Variants in BMPER observed in about 807,000 individuals in gnomAD.
BMPER encodes BMP-binding endothelial regulator protein.
A neutral mutation model predicts 87.3 loss-of-function variants in BMPER; 45 were observed. The observed-to-expected ratio is 0.52, with a 90% CI of 0.41 to 0.66. The LOEUF (loss-of-function observed/expected upper bound fraction) is 0.66, where lower values mean the gene tolerates loss of function less well. BMPER is among the 30% of genes least tolerant of loss of function. The pLI is 0.00. For missense variants in BMPER, 784 were observed against 867.5 expected, an observed-to-expected ratio of 0.90 and a Z score of 1.21; for synonymous variants, 326 against 316.2, an observed-to-expected ratio of 1.03 and a Z score of -0.33.
intron 2 of BMPER, among the ~76,000 whole-genome samples, chr7:33,914,146 T>C (rs1300637538): frequency 6.6e-6 from 1 of 151,958 alleles, no homozygotes; most frequent in Non-Finnish European, 1.5e-5. Flanking sequence ...TTTGTATTTT[T>C]AGTAGAGACG....
chr7:34,071,692 G>A (rs572178724), intron 11 of BMPER, among the ~76,000 whole-genome samples: 1 of 152,328 alleles, frequency 6.6e-6, no homozygotes, highest in East Asian at 1.9e-4. Flanking sequence ...TTAACATTCA[G>A]TGAGCTTTTA....
chr7:33,944,251 C>G (rs1350563999), intron 3 of BMPER, among the ~76,000 whole-genome samples: 1 of 150,992 alleles, frequency 6.6e-6, no homozygotes, highest in Admixed American at 6.6e-5. Context: ...CTGCAACCTC[C>G]GCCTCCTGCA....
At chr7:34,151,315 A>G (rs1791170105) in intron 14 of BMPER, among the ~76,000 whole-genome samples, 1 of 152,208 alleles carries the variant, frequency 6.6e-6, no homozygotes, top group African/African-American at 2.4e-5. Context: ...AAGTGCCAGA[A>G]AATGTGTGTG....
intron 10 of BMPER, among the ~76,000 whole-genome samples, chr7:34,060,093 A>G (rs1788396076): frequency 6.6e-6 from 1 of 152,142 alleles, no homozygotes; most frequent in Non-Finnish European, 1.5e-5. Context: ...GACCCTGCTT[A>G]TGGAAGAGCC....
intron 11 of BMPER, among the ~76,000 whole-genome samples, chr7:34,073,307 A>G (rs1304044335): frequency 1.3e-5 from 2 of 152,236 alleles, no homozygotes; most frequent in African/African-American, 2.4e-5. Flanking sequence ...CGAACATCAT[A>G]GAGTGCACTT....
chr7:34,052,156 C>T (rs1390761775), intron 8 of BMPER, among the ~76,000 whole-genome samples, 186 bp downstream of exon 8: 4 of 152,210 alleles, frequency 2.6e-5, no homozygotes, highest in African/African-American at 9.6e-5. Context: ...CACTATAGCT[C>T]AATCATCTTC....
chr7:34,029,023 C>A (rs2127950102), intron 6 of BMPER, among the ~76,000 whole-genome samples: 2 of 151,954 alleles, frequency 1.3e-5, no homozygotes, highest in South Asian at 4.2e-4. Context: ...ATTAAATGGA[C>A]AATAAAATGT....
At chr7:33,947,075 T>C (rs1023521357) in intron 3 of BMPER, among the ~76,000 whole-genome samples, 1 of 152,234 alleles carries the variant, frequency 6.6e-6, no homozygotes, top group Non-Finnish European at 1.5e-5. Flanking sequence ...ATAATAATTA[T>C]ACATTTTTAT....
At chr7:34,032,712 A>G (rs1325553054) in intron 6 of BMPER, among the ~76,000 whole-genome samples, 1 of 152,176 alleles carries the variant, frequency 6.6e-6, no homozygotes, top group Non-Finnish European at 1.5e-5. Context: ...CTCAAGTTTT[A>G]AGAATGCTTC....
chr7:33,994,534 G>A (rs1023576091), intron 6 of BMPER, among the ~76,000 whole-genome samples: 3 of 152,178 alleles, frequency 2.0e-5, no homozygotes, highest in Non-Finnish European at 4.4e-5. Flanking sequence ...GCTCCCTAGT[G>A]AGATGAACCC....
intron 8 of BMPER, among the ~76,000 whole-genome samples, chr7:34,054,441 T>A (rs1355802370): frequency 1.3e-5 from 2 of 152,212 alleles, no homozygotes; most frequent in Admixed American, 1.3e-4. Flanking sequence ...TTATAATAAT[T>A]TCTATGTGCC....
At chr7:34,054,736 A>G (rs566105551) in intron 8 of BMPER, among the ~76,000 whole-genome samples, 1 of 152,212 alleles carries the variant, frequency 6.6e-6, no homozygotes, top group South Asian at 2.1e-4. Flanking sequence ...GACCAAAGAT[A>G]TCATGCCTTT....
At chr7:33,905,817 T>C in intron 1 of BMPER, 71 bp downstream of exon 1, 1 of 974,952 alleles carries the variant, frequency 1.0e-6, no homozygotes, top group Non-Finnish European at 1.5e-6. Context: ...TGGCGCTGGC[T>C]TGCCCCGGGG....
intron 4 of BMPER, 53 bp from the exon 5 acceptor site, chr7:33,970,276 G>A (rs1785508110): frequency 1.3e-6 from 2 of 1,570,788 alleles, no homozygotes; most frequent in South Asian, 1.1e-5. Context: ...TCCAAAAGTA[G>A]TAACTCCGTG....
chr7:34,137,988 C>A (rs1380600315), intron 13 of BMPER, among the ~76,000 whole-genome samples: 1 of 152,188 alleles, frequency 6.6e-6, no homozygotes, highest in Non-Finnish European at 1.5e-5. Flanking sequence ...GCACTCTTGG[C>A]AGCACCATCT....
At chr7:33,930,508 G>A (rs1784457268) in intron 2 of BMPER, among the ~76,000 whole-genome samples, 1 of 152,212 alleles carries the variant, frequency 6.6e-6, no homozygotes, top group Admixed American at 6.5e-5. Flanking sequence ...GTCCAAAGGA[G>A]ACAGGCTGGA....
chr7:33,922,485 A>T lies in BMPER; in HGVS notation c.220-14804A>T, dbSNP rs891752329. Among the ~76,000 whole-genome samples, 4 of 151,948 alleles carry T rather than the reference A, an allele frequency of 2.6e-5. No homozygotes were observed. The South Asian group carries it at 8.3e-4, about 32-fold the overall frequency. Reference sequence around the variant, plus strand: ...GAGCTTGTCCAACTCACCTTATTTTATTGTTGTTGTTGTTCTGTTTTGTTT... The same window carrying T: ...GAGCTTGTCCAACTCACCTTATTTTTTTGTTGTTGTTGTTCTGTTTTGTTT... On this transcript the variant is annotated intron_variant, in intron 2 of 14. Coordinates refer to ENST00000649409, the MANE Select transcript of BMPER (RefSeq NM_001365308.1).
At chr7:33,929,782 G>A (rs1188754028) in intron 2 of BMPER, among the ~76,000 whole-genome samples, 1 of 152,206 alleles carries the variant, frequency 6.6e-6, no homozygotes, top group Non-Finnish European at 1.5e-5. Context: ...AGGCTTGTTT[G>A]CAAGGGTTAA....
intron 3 of BMPER, among the ~76,000 whole-genome samples, chr7:33,965,736 G>A (rs1377652624): frequency 6.6e-6 from 1 of 152,068 alleles, no homozygotes; most frequent in East Asian, 1.9e-4. Context: ...CAAGACCTAG[G>A]CTGTGATTTC....
Sources: gnomAD v4.1 joint callset for allele counts (sites outside exome capture counted in the v4.1 genomes callset) on GRCh38, gnomAD v4.1.1 for gene constraint, MANE v1.5 for transcripts, NCBI Gene and HGNC (gene_info 2026-07-23, HGNC 2026-07-21) for gene names.